The following HSPA14 variants were observed in gnomAD, a reference collection of about 807,000 sequenced individuals.
HSPA14 encodes the protein heat shock 70 kDa protein 14.
In HSPA14, 37 loss-of-function variants were observed where a neutral mutation model predicts 65.5. The ratio of observed to expected loss-of-function variants is 0.56; its 90% CI spans 0.43 to 0.74. HSPA14 has a LOEUF of 0.74. Among genes scored for constraint, HSPA14 ranks in the 30% least tolerant of loss-of-function variants. The pLI, the probability that HSPA14 is intolerant of heterozygous loss-of-function variation, is 0.00. For synonymous variants in HSPA14, 203 were observed against 214.2 expected, an observed-to-expected ratio of 0.95 and a Z score of 0.46; for missense variants, 564 against 607.6, an observed-to-expected ratio of 0.93 and a Z score of 0.75.
intron 3 of HSPA14, among the ~76,000 whole-genome samples, chr10:14,848,248 T>A (rs1425162789): frequency 6.6e-6 from 1 of 152,198 alleles, no homozygotes; most frequent in Non-Finnish European, 1.5e-5. Context: ...AGTTTGCAAC[T>A]TTCTCATCTC....
chr10:14,865,513 A>G (rs1832798782), intron 10 of HSPA14, among the ~76,000 whole-genome samples: 1 of 152,232 alleles, frequency 6.6e-6, no homozygotes, highest in Non-Finnish European at 1.5e-5. Context: ...GGTGTAAGGA[A>G]GAGATCCAGT....
intron 10 of HSPA14, 112 bp from the exon 11 acceptor site, chr10:14,866,968 CTTT>C (rs1294667729): frequency 1.5e-5 from 10 of 682,738 alleles, no homozygotes; most frequent in Admixed American, 5.0e-5. Flanking sequence ...ATATATAGGG[CTTT>C]TTTTGTATTT....
Position 14,851,278 on chromosome 10 carries a change from C to T in HSPA14, c.527C>T (p.Ala176Val), listed in dbSNP as rs1834106947. ...CGATTAATTCACGAACCGTCTGCAG[C>T]TCTTCTTGCTTATGGAATTGGACAA... ...VLRLIHEPSA[A>V]LLAYGIGQDS... is the part of the protein sequence containing the mutation. Residue 176 changes from alanine to valine, a missense_variant, in exon 7 of 14, where the codon GCT becomes GTT. Ala to Val is a moderately conservative substitution (Grantham distance 64, BLOSUM62 0). Coordinates refer to ENST00000378372, the MANE Select transcript of HSPA14 (RefSeq NM_016299.4). 6.2e-7 allele frequency: 1 copy of T among 1,612,596 alleles called. No individual in the cohort carries two copies. Among genetic ancestry groups the T allele is most frequent in the East Asian group, 2.2e-5 (1 of 44,858 alleles).
chr10:14,870,549 T>C (rs1832845025), intron 12 of HSPA14, 48 bp from the exon 13 acceptor site: 1 of 1,548,930 alleles, frequency 6.5e-7, no homozygotes, highest in Non-Finnish European at 8.8e-7. Flanking sequence ...CATCAGTTCA[T>C]TTATGTAAAG....
At chr10:14,838,498 C>T (rs1188257150) in intron 1 of HSPA14, 39 bp downstream of exon 1, 6 of 1,553,898 alleles carry the variant, frequency 3.9e-6, no homozygotes, top group Non-Finnish European at 3.5e-6. Context: ...TTCATGACGG[C>T]CACCCGGTTT....
chr10:14,852,409 T>G lies in HSPA14; in HGVS notation c.612T>G (p.Ser204=). ...TTAAGCTTGGAGGAACATCCTTATC[T>G]CTCAGCGTCATGGAAGTTAACAGTG... The part of the protein sequence containing the change: ...LVFKLGGTSL[S]LSVMEVNSGI... Residue 204 remains serine (S), a synonymous_variant, in exon 8 of 14, where the codon TCT becomes TCG. Coordinates refer to ENST00000378372, the MANE Select transcript of HSPA14 (RefSeq NM_016299.4). The G allele has an allele frequency of 6.2e-7, 1 of 1,613,922 alleles. No individual in the cohort carries two copies. The highest frequency in any genetic ancestry group is 1.3e-5 in the African/African-American group (1 of 75,028).
Position 14,871,687 on chromosome 10 carries a change from A to G in HSPA14, c.*81A>G. On this transcript the variant is annotated 3_prime_UTR_variant, in exon 14 of 14. Transcript: ENST00000378372. ...GTATAAGTGGTGTTTGTATTAAAATACTTTTTCAATGAACTGTATAAACTA... is the reference window on the plus strand; with the variant it reads ...GTATAAGTGGTGTTTGTATTAAAATGCTTTTTCAATGAACTGTATAAACTA... The G allele has an allele frequency of 2.8e-6, 2 of 711,842 alleles. No individual in the cohort carries two copies. Among genetic ancestry groups the G allele is most frequent in the South Asian group, 1.8e-5 (1 of 57,058 alleles). The allele number at this position is 711,842 out of a possible 1,614,324, so 44.1% of individuals were successfully genotyped here. A position where few individuals can be genotyped will look rare whatever the true frequency, so the allele number is the denominator to read the frequency against.
At chr10:14,841,566 A>G (rs1187543719) in intron 3 of HSPA14, among the ~76,000 whole-genome samples, 3 of 152,186 alleles carry the variant, frequency 2.0e-5, no homozygotes, top group Non-Finnish European at 4.4e-5. Context: ...GATACAGAAC[A>G]TTTCCATAGA....
rs939092440 is a variant in HSPA14 at position 14,842,428 on chromosome 10, G to A, written c.221+2271G>A. 7.5e-5 allele frequency: 115 copies of A among 1,536,054 alleles called. No individual in the cohort carries two copies. Among genetic ancestry groups the A allele is most frequent in the Non-Finnish European group, 9.0e-5 (103 of 1,146,926 alleles). The stretch of plus-strand genomic sequence containing the variant: ...CAGATGTCTATCAGGCTGTGTCTAA[G>A]CGAATGCAGCAGGAGGGCTTCCGCC... On this transcript the variant is annotated intron_variant, in intron 3 of 13. Coordinates refer to ENST00000378372, the MANE Select transcript of HSPA14 (RefSeq NM_016299.4). The surrounding 1 kb of genome is among the most constrained non-coding windows in gnomAD (Gnocchi z 5.2).
chr10:14,848,785 T>C lies in HSPA14; in HGVS notation c.271-5T>C, dbSNP rs935056133. ...TATTTAGCATAATTGTAATTTATTTTATAGGTCATTGAAAAAAATGGGAAA... is the reference window on the plus strand; with the variant it reads ...TATTTAGCATAATTGTAATTTATTTCATAGGTCATTGAAAAAAATGGGAAA... On this transcript the variant is annotated splice_region_variant and splice_polypyrimidine_tract_variant and intron_variant, in intron 4 of 13. Coordinates refer to ENST00000378372, the MANE Select transcript of HSPA14 (RefSeq NM_016299.4). 3 of 1,502,422 alleles carry C rather than the reference T, an allele frequency of 2.0e-6. No individual in the cohort carries two copies. Among genetic ancestry groups the C allele is most frequent in the Non-Finnish European group, 2.7e-6 (3 of 1,093,594 alleles). 93.1% of individuals were successfully genotyped at this position (1,502,422 alleles called of 1,614,324 possible).
chr10:14,838,613 G>T, intron 1 of HSPA14, 154 bp downstream of exon 1: 1 of 701,712 alleles, frequency 1.4e-6, no homozygotes, highest in Non-Finnish European at 2.2e-6. Flanking sequence ...GGGCCGGGCA[G>T]GCCCGGCCTC....
intron 10 of HSPA14, among the ~76,000 whole-genome samples, chr10:14,865,595 T>G (rs866809215): frequency 4.1e-4 from 63 of 152,194 alleles, no homozygotes; most frequent in African/African-American, 1.4e-3. Context: ...TTTCCCCATT[T>G]CTTGTTTTTG....
At chr10:14,854,403 T>C (rs1445671352) in intron 9 of HSPA14, 123 bp downstream of exon 9, 2 of 748,668 alleles carry the variant, frequency 2.7e-6, no homozygotes, top group Non-Finnish European at 4.2e-6. Context: ...TATAATGTCT[T>C]CACTTTATTG....
At chr10:14,849,046 A>T in intron 5 of HSPA14, 151 bp downstream of exon 5, 1 of 540,286 alleles carries the variant, frequency 1.9e-6, no homozygotes, top group South Asian at 2.6e-5. Context: ...TGGTTGGGGC[A>T]CTAACTGGGT....
chr10:14,857,003 CTA>C (rs1414477029), intron 10 of HSPA14, among the ~76,000 whole-genome samples: 2 of 152,018 alleles, frequency 1.3e-5, no homozygotes, highest in Non-Finnish European at 2.9e-5. Context: ...TGTTTGCTAG[CTA>C]TAGTTTTGTG....
chr10:14,850,207 G>C (rs993911418), intron 6 of HSPA14, among the ~76,000 whole-genome samples: 1 of 151,972 alleles, frequency 6.6e-6, no homozygotes, highest in Non-Finnish European at 1.5e-5. Context: ...AGGAAGTGGA[G>C]GTTGCAGTGA....
At chr10:14,840,433 A>G (rs1449552446) in intron 3 of HSPA14, among the ~76,000 whole-genome samples, 1 of 151,910 alleles carries the variant, frequency 6.6e-6, no homozygotes, top group East Asian at 1.9e-4. Context: ...ACATTTTTAG[A>G]TTTTTTTTAA....
rs375853738 is a variant in HSPA14 at position 14,848,872 on chromosome 10, G to C, written c.353G>C (p.Arg118Thr). The C allele has an allele frequency of 3.7e-5, 57 of 1,559,462 alleles. No individual in the cohort carries two copies. The highest frequency in any genetic ancestry group is 4.8e-5 in the Non-Finnish European group (54 of 1,135,158). Residue 118 changes from arginine (R) to threonine (T), a missense_variant, in exon 5 of 14, where the codon AGA becomes ACA. Transcript: ENST00000378372. Reference sequence around the variant, plus strand: ...TTTGTTAACCCAGAAGATGTTGCCAGACTGATATTTAGTAAAATGAAAGGT... The same window carrying C: ...TTTGTTAACCCAGAAGATGTTGCCACACTGATATTTAGTAAAATGAAAGGT... ...TKFVNPEDVA[R>T]LIFSKMKETA...
At chr10:14,866,392 G>T (rs912874075) in intron 10 of HSPA14, among the ~76,000 whole-genome samples, 2 of 152,168 alleles carry the variant, frequency 1.3e-5, no homozygotes, top group African/African-American at 4.8e-5. Context: ...CGTAAAGACT[G>T]TGAAATAGGA....
Sources: gnomAD v4.1 joint callset for allele counts (sites outside exome capture counted in the v4.1 genomes callset) on GRCh38, gnomAD v4.1.1 for gene constraint, Gnocchi (gnomAD v3.1) non-coding constraint, MANE v1.5 for transcripts, NCBI Gene and HGNC (gene_info 2026-07-23, HGNC 2026-07-21) for gene names.